The following ASIC2 variants were observed in gnomAD, a reference collection of about 807,000 sequenced individuals.
ASIC2 encodes the protein acid sensing ion channel subunit 2.
Under a neutral mutation model 57.3 loss-of-function variants are expected in ASIC2, and 25 were observed. That is an observed-to-expected ratio of 0.44 (90% CI 0.32 to 0.61). The LOEUF is 0.61. Ranked by LOEUF, ASIC2 falls within the 20% of genes least tolerant of loss-of-function variation. ASIC2 has a pLI of 0.06. For synonymous variants in ASIC2, 319 were observed against 307.5 expected (o/e 1.04, Z -0.39); for missense variants, 641 against 738.1 (o/e 0.87, Z 1.52).
At chr17:33,398,440 T>C (rs1197482492) in intron 1 of ASIC2, among the ~76,000 whole-genome samples, 1 of 152,190 alleles carries the variant, frequency 6.6e-6, no homozygotes, top group African/African-American at 2.4e-5. Context: ...CAAGACAGCA[T>C]TGGGCCTCTT....
intron 1 of ASIC2, among the ~76,000 whole-genome samples, chr17:33,351,212 A>G (rs979800897): frequency 2.0e-5 from 3 of 152,048 alleles, no homozygotes; most frequent in South Asian, 2.1e-4. Flanking sequence ...ATTCAATGGT[A>G]TTTGGCCCCC....
At chr17:33,994,142 C>A (rs1203877467) in intron 1 of ASIC2, among the ~76,000 whole-genome samples, 3 of 152,168 alleles carry the variant, frequency 2.0e-5, no homozygotes. Flanking sequence ...TATTACAGAG[C>A]TGTCTGAGGC....
intron 1 of ASIC2, among the ~76,000 whole-genome samples, chr17:33,923,056 C>T (rs1210387252): frequency 6.6e-6 from 1 of 152,164 alleles, no homozygotes; most frequent in Non-Finnish European, 1.5e-5. Context: ...ATGACCACAG[C>T]AGCTTACCCA....
chr17:33,840,963 G>A (rs1482920067), intron 1 of ASIC2, among the ~76,000 whole-genome samples: 1 of 152,040 alleles, frequency 6.6e-6, no homozygotes, highest in East Asian at 1.9e-4. Flanking sequence ...TATATTTAAA[G>A]GTTCCAGAGA....
intron 1 of ASIC2, among the ~76,000 whole-genome samples, chr17:33,409,627 T>C (rs1910586510): frequency 6.6e-6 from 1 of 152,152 alleles, no homozygotes; most frequent in Non-Finnish European, 1.5e-5. Flanking sequence ...GAATCGTGGT[T>C]AGGAGAGGAG....
intron 1 of ASIC2, among the ~76,000 whole-genome samples, chr17:33,962,005 C>T (rs1003198090): frequency 5.3e-5 from 8 of 152,148 alleles, no homozygotes; most frequent in African/African-American, 1.2e-4. Context: ...CAGATGAGGC[C>T]GGCCTTTCAT....
chr17:33,854,086 A>G (rs1440459042), intron 1 of ASIC2, among the ~76,000 whole-genome samples: 1 of 152,224 alleles, frequency 6.6e-6, no homozygotes, highest in Non-Finnish European at 1.5e-5. Context: ...GGTGCAATAC[A>G]TCTTCTAATT....
chr17:33,300,309 CT>C (rs111351793), intron 1 of ASIC2, among the ~76,000 whole-genome samples: 1,514 of 148,990 alleles, frequency 0.01, 20 homozygotes, highest in African/African-American at 0.035. Context: ...TTCTTCACAC[CT>C]TTTTTTTTTC....
At chr17:33,331,219 C>A (rs1907300145) in intron 1 of ASIC2, among the ~76,000 whole-genome samples, 1 of 152,174 alleles carries the variant, frequency 6.6e-6, no homozygotes, top group Admixed American at 6.5e-5. Flanking sequence ...AACCACCCAC[C>A]CTGCCAACCC....
intron 1 of ASIC2, chr17:34,071,632 C>A (rs1272946874): frequency 2.0e-5 from 3 of 152,154 alleles, no homozygotes; most frequent in Non-Finnish European, 4.4e-5. Flanking sequence ...GAGTTCGAGA[C>A]CAGCCTGGCC....
chr17:33,770,073 A>G (rs1048261017), intron 1 of ASIC2, among the ~76,000 whole-genome samples: 5 of 152,210 alleles, frequency 3.3e-5, no homozygotes, highest in Non-Finnish European at 7.3e-5. Context: ...AGTTTATGAA[A>G]TGGAACAGCT....
chr17:33,169,729 C>T (rs1017909174), intron 1 of ASIC2, among the ~76,000 whole-genome samples: 9 of 152,202 alleles, frequency 5.9e-5, no homozygotes, highest in South Asian at 2.1e-4. Context: ...GAAACCCCTG[C>T]TGAGTCTCAC....
intron 1 of ASIC2, among the ~76,000 whole-genome samples, chr17:33,155,703 G>T (rs905496190): frequency 1.3e-5 from 2 of 151,718 alleles, no homozygotes; most frequent in Non-Finnish European, 2.9e-5. Context: ...GGGATTACAG[G>T]CGCCTGCTAC....
chr17:33,028,597 G>C (rs963833511), intron 3 of ASIC2, among the ~76,000 whole-genome samples: 1 of 152,040 alleles, frequency 6.6e-6, no homozygotes, highest in South Asian at 2.1e-4. Flanking sequence ...ATGTTGCCCA[G>C]GCTGGTTTTG....
At chr17:33,493,908 A>G (rs1338815062) in intron 1 of ASIC2, among the ~76,000 whole-genome samples, 2 of 152,208 alleles carry the variant, frequency 1.3e-5, no homozygotes, top group Non-Finnish European at 2.9e-5. Flanking sequence ...TACCCTATAC[A>G]ATGCTGTTCT....
At chr17:33,972,659 C>T (rs1356922778) in intron 1 of ASIC2, among the ~76,000 whole-genome samples, 2 of 152,246 alleles carry the variant, frequency 1.3e-5, no homozygotes, top group African/African-American at 4.8e-5. Context: ...AATTAGTTGT[C>T]TGTGATCACA....
At position 33,366,630 on chromosome 17, in the gene ASIC2, T is replaced by G. The variant is rs114410318; in HGVS notation, c.556-254563A>C. 7.3e-3 allele frequency among the ~76,000 whole-genome samples: 1,113 copies of G among 152,340 alleles called. 17 individuals carry two copies. The highest frequency in any genetic ancestry group is 0.025 in the African/African-American group (1,049 of 41,582). On this transcript the variant is annotated intron_variant, in intron 1 of 9. Transcript: ENST00000359872. ...CTCTCTTATAACCCTCACTAAACTA[T>G]TTGTTTATTTAATTGCTTTCCCACT...
chr17:33,708,495 C>A (rs981977390), intron 1 of ASIC2, among the ~76,000 whole-genome samples: 13 of 152,142 alleles, frequency 8.5e-5, no homozygotes, highest in African/African-American at 3.1e-4. Context: ...CACCTAAGTT[C>A]TATTGACCAC....
chr17:33,910,876 G>T (rs1210268429), intron 1 of ASIC2, among the ~76,000 whole-genome samples: 1 of 152,220 alleles, frequency 6.6e-6, no homozygotes, highest in Non-Finnish European at 1.5e-5. Flanking sequence ...AGAAGGATGG[G>T]GGAGCTTGTC....
Sources: gnomAD v4.1 joint callset for allele counts (sites outside exome capture counted in the v4.1 genomes callset) on GRCh38, gnomAD v4.1.1 for gene constraint, MANE v1.5 for transcripts, NCBI Gene and HGNC (gene_info 2026-07-23, HGNC 2026-07-21) for gene names.